The following FHIP1A variants were observed in gnomAD, a reference collection of about 807,000 sequenced individuals.
FHIP1A encodes the protein FHF complex subunit HOOK interacting protein 1A, also known as FHF complex subunit HOOK-interacting protein 1A.
In FHIP1A, 61 loss-of-function variants were observed where a neutral mutation model predicts 88.6. The ratio of observed to expected loss-of-function variants is 0.69; its 90% CI spans 0.56 to 0.85. The LOEUF is 0.85. Among genes scored for constraint, FHIP1A ranks in the 40% least tolerant of loss-of-function variants. The pLI is 0.00. For synonymous variants in FHIP1A, 478 were observed against 496.0 expected, an observed-to-expected ratio of 0.96 and a Z score of 0.48; for missense variants, 1,154 against 1,273.5, an observed-to-expected ratio of 0.91 and a Z score of 1.43.
intron 5 of FHIP1A, among the ~76,000 whole-genome samples, chr4:151,580,227 C>T (rs1015497096): frequency 6.6e-6 from 1 of 152,286 alleles, no homozygotes; most frequent in Middle Eastern, 3.4e-3. Context: ...AAGCCATTAT[C>T]TTATAAAACA....
At chr4:151,585,709 C>T (rs1358665383) in intron 5 of FHIP1A, among the ~76,000 whole-genome samples, 2 of 152,174 alleles carry the variant, frequency 1.3e-5, no homozygotes, top group African/African-American at 4.8e-5. Flanking sequence ...TTAAAGGCAT[C>T]ACCATTTTCT....
chr4:151,644,645 C>T (rs992193817), intron 9 of FHIP1A, among the ~76,000 whole-genome samples: 2 of 152,138 alleles, frequency 1.3e-5, no homozygotes, highest in African/African-American at 4.8e-5. Flanking sequence ...AGGCACAGTA[C>T]CCCACCCCCA....
chr4:151,434,462 A>G (rs1268694964), intron 1 of FHIP1A, among the ~76,000 whole-genome samples: 1 of 152,212 alleles, frequency 6.6e-6, no homozygotes, highest in Non-Finnish European at 1.5e-5. Flanking sequence ...GGCAAGTGGT[A>G]CATATAATCA....
intron 3 of FHIP1A, among the ~76,000 whole-genome samples, chr4:151,519,756 T>A (rs930410953): frequency 6.6e-6 from 1 of 152,190 alleles, no homozygotes; most frequent in Non-Finnish European, 1.5e-5. Context: ...GTGGTTTTTT[T>A]ATTTTACATT....
At chr4:151,651,280 TAAAG>T (rs1737022166) in intron 11 of FHIP1A, among the ~76,000 whole-genome samples, 2 of 152,194 alleles carry the variant, frequency 1.3e-5, no homozygotes, top group African/African-American at 4.8e-5. Context: ...GGATAGGACT[TAAAG>T]ATAGGCAGAT....
At chr4:151,537,627 T>G (rs772001256) in intron 3 of FHIP1A, among the ~76,000 whole-genome samples, 2 of 152,194 alleles carry the variant, frequency 1.3e-5, no homozygotes, top group Admixed American at 1.3e-4. Flanking sequence ...AGTTTTTTCT[T>G]TTACAGATTG....
chr4:151,550,032 A>G (rs1732664594), intron 3 of FHIP1A, among the ~76,000 whole-genome samples: 1 of 151,696 alleles, frequency 6.6e-6, no homozygotes, highest in African/African-American at 2.4e-5. Context: ...TGACAGGATG[A>G]TTTTTCTTGT....
In FHIP1A at chr4:151,523,826, G is replaced by C. The variant is rs560701498; in HGVS notation, c.-123+41178G>C. Among the ~76,000 whole-genome samples, 8 of 152,204 alleles carry C rather than the reference G, an allele frequency of 5.3e-5. No individual in the cohort carries two copies. In the East Asian group the frequency reaches 1.5e-3, roughly 29 times the overall value. On this transcript the variant is annotated intron_variant, in intron 3 of 13. Coordinates refer to ENST00000435205, the MANE Select transcript of FHIP1A (RefSeq NM_001109977.3). ...CCAATGATCTATTAATACTATTTGT[G>C]AACAACCAACACAAAAGTAAATGAA... is the stretch of plus-strand genomic sequence containing the variant.
chr4:151,432,223 A>G (rs7657670), intron 1 of FHIP1A, among the ~76,000 whole-genome samples: 79,129 of 152,110 alleles, frequency 0.52, 20,890 homozygotes, highest in African/African-American at 0.55. Context: ...AAGATCACCA[A>G]CTCACAGAGC....
intron 3 of FHIP1A, among the ~76,000 whole-genome samples, chr4:151,518,590 A>C (rs1329382567): frequency 6.7e-6 from 1 of 149,414 alleles, no homozygotes; most frequent in Non-Finnish European, 1.5e-5. Context: ...TCCAAATTCT[A>C]CCATTAACAT....
At chr4:151,549,617 A>T (rs1320106493) in intron 3 of FHIP1A, among the ~76,000 whole-genome samples, 1 of 152,082 alleles carries the variant, frequency 6.6e-6, no homozygotes, top group East Asian at 1.9e-4. Flanking sequence ...TTAGTATGTA[A>T]TCAAAAAATA....
At position 151,643,514 on chromosome 4, in the gene FHIP1A, A is replaced by G. The variant is rs184221687; in HGVS notation, c.1227-3044A>G. Among the ~76,000 whole-genome samples the G allele has an allele frequency of 5.7e-3, 863 of 152,288 alleles. 7 individuals are homozygous for G. Among genetic ancestry groups the G allele is most frequent in the African/African-American group, 0.02 (817 of 41,554 alleles). On this transcript the variant is annotated intron_variant, in intron 9 of 13. Coordinates refer to ENST00000435205, the MANE Select transcript of FHIP1A (RefSeq NM_001109977.3). ...TTGAAATATACAATAAATTATTGTCAACTGTAATTTCTCTACTGTACTATT... is the reference window on the plus strand; with the variant it reads ...TTGAAATATACAATAAATTATTGTCGACTGTAATTTCTCTACTGTACTATT...
At chr4:151,600,707 ATCTC>A (rs1031574584) in intron 7 of FHIP1A, among the ~76,000 whole-genome samples, 1 of 151,768 alleles carries the variant, frequency 6.6e-6, no homozygotes, top group East Asian at 1.9e-4. Flanking sequence ...GGCTGATTAG[ATCTC>A]TCTCTCTCTC....
chr4:151,410,135 G>C (rs1203326227), intron 1 of FHIP1A, among the ~76,000 whole-genome samples: 1 of 152,194 alleles, frequency 6.6e-6, no homozygotes, highest in Non-Finnish European at 1.5e-5. Flanking sequence ...GCGAGGTGTT[G>C]GTGCAGGCGG....
chr4:151,514,499 A>G (rs1284392722), intron 3 of FHIP1A, among the ~76,000 whole-genome samples: 1 of 151,934 alleles, frequency 6.6e-6, no homozygotes, highest in African/African-American at 2.4e-5. Context: ...CCTTCAAAAA[A>G]TTAATGAATC....
intron 3 of FHIP1A, among the ~76,000 whole-genome samples, chr4:151,525,074 ATG>A (rs1448996506): frequency 6.6e-6 from 1 of 152,178 alleles, no homozygotes; most frequent in Non-Finnish European, 1.5e-5. Context: ...TCCCATACTT[ATG>A]TGACTCCAGC....
intron 7 of FHIP1A, among the ~76,000 whole-genome samples, chr4:151,595,595 T>G (rs1362340470): frequency 2.0e-5 from 3 of 152,200 alleles, no homozygotes; most frequent in African/African-American, 7.2e-5. Flanking sequence ...ATTTTCTGTC[T>G]CATTGATCTG....
chr4:151,566,206 C>A lies in FHIP1A; in HGVS notation c.-54C>A. On this transcript the variant is annotated 5_prime_UTR_variant, in exon 4 of 14. Coordinates refer to ENST00000435205, the MANE Select transcript of FHIP1A (RefSeq NM_001109977.3). ...AAACTTGAAAGTTAGTGACGGCTTACCAAATTTTAATGAAAATTAAATATG... is the reference window on the plus strand; with the variant it reads ...AAACTTGAAAGTTAGTGACGGCTTAACAAATTTTAATGAAAATTAAATATG... The A allele has an allele frequency of 7.5e-6, 9 of 1,200,234 alleles. No homozygotes were observed. Among genetic ancestry groups the A allele is most frequent in the Non-Finnish European group, 1.0e-5 (9 of 865,132 alleles). The allele number at this position is 1,200,234 out of a possible 1,614,324, so 74.3% of individuals were successfully genotyped here. A position where few individuals can be genotyped will look rare whatever the true frequency, so the allele number is the denominator to read the frequency against.
At chr4:151,433,284 G>A (rs1056659249) in intron 1 of FHIP1A, among the ~76,000 whole-genome samples, 18 of 151,564 alleles carry the variant, frequency 1.2e-4, no homozygotes, top group Admixed American at 8.6e-4. Flanking sequence ...AGGTAATGGC[G>A]TTCTGATCTA....
Sources: allele counts gnomAD v4.1 joint callset (sites outside exome capture counted in the v4.1 genomes callset), GRCh38; gene constraint gnomAD v4.1.1; transcripts MANE v1.5; gene names NCBI Gene and HGNC (gene_info 2026-07-23, HGNC 2026-07-21).